MARCHF2: variants seen among roughly 807,000 people sequenced by gnomAD.
MARCHF2 encodes the protein membrane associated ring-CH-type finger 2.
MARCHF2 carries 22 observed loss-of-function variants against 24.0 expected under a neutral mutation model. The ratio of observed to expected loss-of-function variants is 0.92; its 90% confidence interval spans 0.66 to 1.31. The LOEUF (loss-of-function observed/expected upper bound fraction) is 1.31, where lower values mean the gene tolerates loss of function less well. Among genes scored for constraint, MARCHF2 ranks in the 50% most tolerant of loss-of-function variants. The probability of loss-of-function intolerance (pLI) is 0.00; values close to 1 mark genes in which losing one functional copy is unlikely to be tolerated. For synonymous variants in MARCHF2, 154 were observed against 153.0 expected (o/e 1.01, Z -0.05); for missense variants, 301 against 335.3 (o/e 0.90, Z 0.80).
chr19:8,419,970 A>G (rs1041581397), intron 1 of MARCHF2, among the ~76,000 whole-genome samples: 23 of 148,816 alleles, frequency 1.5e-4, no homozygotes, highest in Non-Finnish European at 2.2e-4. Flanking sequence ...CATCCTGGCT[A>G]ACATGGTGAA....
In MARCHF2 at chr19:8,426,872, A is replaced by G. The variant is rs1967418058; in HGVS notation, c.372+68A>G. 2.1e-6 allele frequency: 3 copies of G among 1,459,138 alleles called. No homozygotes were observed. The African/African-American group carries it at 4.2e-5, about 20-fold the overall frequency. The allele number at this position is 1,459,138 out of a possible 1,614,324, so 90.4% of individuals were successfully genotyped here. A position where few individuals can be genotyped will look rare whatever the true frequency, so the allele number is the denominator to read the frequency against. Reference sequence around the variant, plus strand: ...GGCAGACATGGGGGCCAAAGGCAGGAGCTGCCCCGGGCAATCTGGTGGTCC... The same window carrying G: ...GGCAGACATGGGGGCCAAAGGCAGGGGCTGCCCCGGGCAATCTGGTGGTCC... On this transcript the variant is annotated intron_variant, in intron 3 of 4. Transcript: ENST00000215555.
At chr19:8,437,621 G>C (rs1334414460) in intron 4 of MARCHF2, among the ~76,000 whole-genome samples, 2 of 151,472 alleles carry the variant, frequency 1.3e-5, no homozygotes, top group Non-Finnish European at 2.9e-5. Flanking sequence ...AAAGTGCTGG[G>C]ATTACAGGCG....
rs1321812216 is a variant in MARCHF2 at position 8,422,026 on chromosome 19, G to C, written c.176+10G>C. ...CCTTGGACACACCGAGGTGAGTGGT[G>C]ACTGCGTGGATATCCTGGCCTTTGT... On this transcript the variant is annotated intron_variant, in intron 2 of 4. Coordinates refer to ENST00000215555, the MANE Select transcript of MARCHF2 (RefSeq NM_001005415.2). The C allele has an allele frequency of 6.3e-7, 1 of 1,598,052 alleles. No individual in the cohort carries two copies. The highest frequency in any genetic ancestry group is 1.3e-5 in the African/African-American group (1 of 74,578).
chr19:8,420,375 A>T (rs1260455006), intron 1 of MARCHF2, among the ~76,000 whole-genome samples: 1 of 149,142 alleles, frequency 6.7e-6, no homozygotes, highest in Non-Finnish European at 1.5e-5. Context: ...AATATAAATA[A>T]AAATACAAAA....
rs1300426329 is a variant in MARCHF2, at chr19:8,413,418, C to T, written c.-55C>T. ...GCGGCCGCCCGGCCCGGCCGCGGAT[C>T]AGGTAGGCACGGGCCTGCAGGTAGG... On this transcript the variant is annotated splice_region_variant and 5_prime_UTR_variant, in exon 1 of 5. Transcript: ENST00000215555. 1.3e-5 allele frequency: 2 copies of T among 151,844 alleles called. No homozygotes were observed. The highest frequency in any genetic ancestry group is 2.9e-5 in the Non-Finnish European group (2 of 67,916). 9.4% of individuals were successfully genotyped at this position (151,844 alleles called of 1,614,324 possible). A position where few individuals can be genotyped will look rare whatever the true frequency, so the allele number is the denominator to read the frequency against.
At chr19:8,434,913 C>T (rs1274113984) in intron 4 of MARCHF2, among the ~76,000 whole-genome samples, 1 of 151,962 alleles carries the variant, frequency 6.6e-6, no homozygotes, top group African/African-American at 2.4e-5. Context: ...ACCATGTTGG[C>T]CAGGCTGGTC....
Position 8,438,727 on chromosome 19 carries a change from G to GT in MARCHF2, c.*181_*182insT, listed in dbSNP as rs1248823584. 196 of 548,496 alleles carry GT rather than the reference G, an allele frequency of 3.6e-4. 1 individual carries two copies. Among genetic ancestry groups the GT allele is most frequent in the South Asian group, 1.6e-3 (59 of 37,452 alleles). The allele number at this position is 548,496 out of a possible 1,614,324, so 34.0% of individuals were successfully genotyped here. ...GTGATCCTGTGTGAAGATATTTTCA[G>GT]GGTTTTTTTTTTTTTTTTTTTGCAT... On this transcript the variant is annotated 3_prime_UTR_variant, in exon 5 of 5. Transcript: ENST00000215555.
intron 1 of MARCHF2, among the ~76,000 whole-genome samples, chr19:8,421,382 C>CTT (rs1254772289): frequency 0.18 from 20,428 of 111,030 alleles, 2,340 homozygotes; most frequent in Non-Finnish European, 0.25. Flanking sequence ...TCTTTCTTTT[C>CTT]TTTTTTTTTT....
chr19:8,418,310 G>A (rs933360934), intron 1 of MARCHF2: 1 of 152,200 alleles, frequency 6.6e-6, no homozygotes, highest in African/African-American at 2.4e-5. Context: ...CCTGCCTTTG[G>A]GCAATACTTG....
At chr19:8,422,461 C>G (rs916200810) in intron 2 of MARCHF2, among the ~76,000 whole-genome samples, 1 of 151,906 alleles carries the variant, frequency 6.6e-6, no homozygotes, top group Non-Finnish European at 1.5e-5. Flanking sequence ...GGCGCAGTCT[C>G]AGCTCACTGA....
chr19:8,433,322 C>T (rs374182860), intron 4 of MARCHF2, among the ~76,000 whole-genome samples: 1 of 151,834 alleles, frequency 6.6e-6, no homozygotes, highest in Non-Finnish European at 1.5e-5. Context: ...GGGGGCATAT[C>T]ACTTGAGGTC....
chr19:8,437,615 T>G (rs555912124), intron 4 of MARCHF2, among the ~76,000 whole-genome samples: 1 of 151,630 alleles, frequency 6.6e-6, no homozygotes. Flanking sequence ...CCTCCCAAAG[T>G]GCTGGGATTA....
chr19:8,425,020 G>T (rs770982590), intron 2 of MARCHF2, among the ~76,000 whole-genome samples: 3 of 152,078 alleles, frequency 2.0e-5, no homozygotes, highest in Non-Finnish European at 4.4e-5. Flanking sequence ...TGATCCTCCT[G>T]CCTCAGCCTC....
In MARCHF2 at chr19:8,430,084, C is replaced by G. The variant is rs1010369858; in HGVS notation, c.373-574C>G. On this transcript the variant is annotated intron_variant, in intron 3 of 4. Coordinates refer to ENST00000215555, the MANE Select transcript of MARCHF2 (RefSeq NM_001005415.2). This position sits in a 1 kb window ranked among gnomAD's most constrained non-coding sequence, Gnocchi z 4.4. ...ATAAATGTTTGAAAGAAGGAAAGGGCCAGGCGTGGTGGCTCACACCTGTAA... is the reference window on the plus strand; with the variant it reads ...ATAAATGTTTGAAAGAAGGAAAGGGGCAGGCGTGGTGGCTCACACCTGTAA... 2.0e-5 allele frequency among the ~76,000 whole-genome samples: 3 copies of G among 152,006 alleles called. No homozygotes were observed. The highest frequency in any genetic ancestry group is 2.9e-5 in the Non-Finnish European group (2 of 68,004).
chr19:8,424,008 G>GAA (rs369549585), intron 2 of MARCHF2, among the ~76,000 whole-genome samples: 1 of 143,192 alleles, frequency 7.0e-6, no homozygotes, highest in Non-Finnish European at 1.5e-5. Flanking sequence ...AAAAAAGAAA[G>GAA]AAAAAAAAAT....
chr19:8,423,985 CAAAAA>C (rs142383974), intron 2 of MARCHF2, among the ~76,000 whole-genome samples: 3 of 104,932 alleles, frequency 2.9e-5, no homozygotes, highest in Admixed American at 9.7e-5. Flanking sequence ...CTGGGTGACT[CAAAAA>C]AAAAAAAAAA....
intron 1 of MARCHF2, among the ~76,000 whole-genome samples, chr19:8,414,315 G>A (rs1374951906): frequency 6.6e-6 from 1 of 151,614 alleles, no homozygotes; most frequent in Non-Finnish European, 1.5e-5. Context: ...TCTTGCCCAG[G>A]CTGGAATGCA....
rs752808977 is a variant in MARCHF2, at chr19:8,422,032, G to A, written c.176+16G>A. 4.7e-5 allele frequency: 75 copies of A among 1,593,064 alleles called. No homozygotes were observed. The highest frequency in any genetic ancestry group is 1.9e-4 in the South Asian group (17 of 88,670). On this transcript the variant is annotated intron_variant, in intron 2 of 4. Transcript: ENST00000215555. The stretch of plus-strand genomic sequence containing the variant: ...ACACACCGAGGTGAGTGGTGACTGC[G>A]TGGATATCCTGGCCTTTGTTGCCTC...
intron 4 of MARCHF2, among the ~76,000 whole-genome samples, chr19:8,435,423 A>G (rs1967689634): frequency 2.0e-5 from 3 of 152,124 alleles, no homozygotes; most frequent in Non-Finnish European, 2.9e-5. Flanking sequence ...CTCCATACGC[A>G]CACAACTTGC....
Sources: allele counts gnomAD v4.1 joint callset (sites outside exome capture counted in the v4.1 genomes callset), GRCh38; gene constraint gnomAD v4.1.1; non-coding constraint Gnocchi (gnomAD v3.1); transcripts MANE v1.5; gene names NCBI Gene and HGNC (gene_info 2026-07-23, HGNC 2026-07-21).